Variants in MYH9 observed in about 807,000 individuals in gnomAD.
The protein encoded by MYH9 is myosin heavy chain 9, also known as myosin-9.
MYH9 carries 29 observed loss-of-function variants against 241.9 expected under a neutral mutation model. The ratio of observed to expected loss-of-function variants is 0.12; its 90% confidence interval spans 0.09 to 0.16. The LOEUF (loss-of-function observed/expected upper bound fraction) is 0.16. MYH9 is among the 10% of genes least tolerant of loss of function. The pLI, the probability that MYH9 is intolerant of heterozygous loss-of-function variation, is 1.00. For missense variants in MYH9, 1,803 were observed against 2,595.5 expected, an observed-to-expected ratio of 0.69 and a Z score of 6.63; for synonymous variants, 1,047 against 1,062.6, an observed-to-expected ratio of 0.99 and a Z score of 0.29.
intron 27 of MYH9, 27 bp downstream of exon 27, chr22:36,294,905 C>T (rs777247001): frequency 1.2e-6 from 2 of 1,609,082 alleles, no homozygotes; most frequent in South Asian, 2.2e-5. Context: ...CCTGCCCTCC[C>T]CCTGCGGTCT....
chr22:36,304,926 TG>T, intron 18 of MYH9, 106 bp downstream of exon 18: 1 of 1,129,706 alleles, frequency 8.9e-7, no homozygotes, highest in Non-Finnish European at 1.3e-6. Flanking sequence ...GGACACAGCC[TG>T]GGCATCCACC....
intron 30 of MYH9, among the ~76,000 whole-genome samples, chr22:36,292,904 C>T (rs1272563617): frequency 2.0e-5 from 3 of 152,224 alleles, no homozygotes; most frequent in Non-Finnish European, 4.4e-5. Flanking sequence ...GCTCAGGAAG[C>T]CACGTGCTGC....
At chr22:36,302,223 G>T in intron 20 of MYH9, 1 of 286,670 alleles carries the variant, frequency 3.5e-6, no homozygotes, top group Non-Finnish European at 6.8e-6. Context: ...TTGTGAGTTG[G>T]TTTTTCGCCA....
rs199968098 is a variant in MYH9, at chr22:36,384,366, TGAG to T, written c.-20+3438_-20+3440del. ...GGGAGGCCGAGATGGGCAGATCACCTGAGGTCAGGAGTTCGAGATCAGCCTGGC... is the reference window on the plus strand; with the variant it reads ...GGGAGGCCGAGATGGGCAGATCACCTGTCAGGAGTTCGAGATCAGCCTGGC... On this transcript the variant is annotated intron_variant, in intron 1 of 40. Transcript: ENST00000216181. Among the ~76,000 whole-genome samples the T allele has an allele frequency of 4.9e-3, 738 of 151,098 alleles. 8 individuals carry two copies. Among genetic ancestry groups the T allele is most frequent in the African/African-American group, 0.015 (605 of 41,140 alleles).
At chr22:36,316,761 T>C in intron 11 of MYH9, 92 bp from the exon 12 acceptor site, 2 of 1,494,286 alleles carry the variant, frequency 1.3e-6, no homozygotes, top group Non-Finnish European at 9.2e-7. Flanking sequence ...TTTAGAGTCC[T>C]CCCCCTAGAG....
chr22:36,384,087 A>C (rs1045670114), intron 1 of MYH9, among the ~76,000 whole-genome samples: 1 of 151,500 alleles, frequency 6.6e-6, no homozygotes, highest in African/African-American at 2.4e-5. Context: ...CGTGGTCAAC[A>C]TGGCAAAATC....
intron 5 of MYH9, chr22:36,324,896 C>T: frequency 1.7e-6 from 1 of 594,158 alleles, no homozygotes; most frequent in Non-Finnish European, 3.0e-6. Context: ...GCTGCCTTCC[C>T]CTCTACAACA....
chr22:36,360,901 G>A (rs2017926555), intron 1 of MYH9, among the ~76,000 whole-genome samples: 1 of 152,134 alleles, frequency 6.6e-6, no homozygotes, highest in African/African-American at 2.4e-5. Context: ...AATCCTGCAG[G>A]CACCACCCAG....
chr22:36,329,600 A>T lies in MYH9; in HGVS notation c.491-2112T>A, dbSNP rs1416653539. Among the ~76,000 whole-genome samples the T allele has an allele frequency of 1.3e-5, 2 of 152,192 alleles. No homozygotes were observed. The highest frequency in any genetic ancestry group is 4.8e-5 in the African/African-American group (2 of 41,440). On this transcript the variant is annotated intron_variant, in intron 3 of 40. Transcript: ENST00000216181. This position sits in a 1 kb window ranked among gnomAD's most constrained non-coding sequence, Gnocchi z 4.1. ...GCAAGTCGTGAGCAGCCAACGGCCC[A>T]ATGCTACCATAAAAGGAAACATTCC...
chr22:36,316,658 G>A lies in MYH9; in HGVS notation c.1239C>T (p.Ala413=). Residue 413 remains alanine (A), a synonymous_variant, in exon 12 of 41, where the codon GCC becomes GCT. Coordinates refer to ENST00000216181, the MANE Select transcript of MYH9 (RefSeq NM_002473.6). ...AGGTCGCCTTGGCCAAGGCCTCGATGGCAAAGTCAGCCTGCGGGGCACACC... is the reference window on the plus strand; with the variant it reads ...AGGTCGCCTTGGCCAAGGCCTCGATAGCAAAGTCAGCCTGCGGGGCACACC... ...KAQTKEQADF[A]IEALAKATYE... The A allele has an allele frequency of 1.2e-6, 2 of 1,613,908 alleles. No individual in the cohort carries two copies. The highest frequency in any genetic ancestry group is 1.1e-5 in the South Asian group (1 of 91,084).
intron 1 of MYH9, among the ~76,000 whole-genome samples, chr22:36,381,813 T>C (rs569326767): frequency 5.3e-5 from 8 of 152,312 alleles, no homozygotes; most frequent in African/African-American, 1.9e-4. Flanking sequence ...CATGATTTAG[T>C]TGACCTTTTT....
rs140004540 is a variant in MYH9, at chr22:36,296,938, G to T, written c.3177C>A (p.Asp1059Glu). The T allele has an allele frequency of 2.5e-6, 4 of 1,614,132 alleles. No individual in the cohort carries two copies. The highest frequency in any genetic ancestry group is 3.4e-6 in the Non-Finnish European group (4 of 1,180,020). The part of the protein sequence containing the change: ...TRRKLEGDST[D>E]LSDQIAELQA... ...GGAGCTCGGCGATCTGGTCGCTGAGGTCTGTGGAGTCTCCCTCCAGCTTCC... is the reference window on the plus strand; with the variant it reads ...GGAGCTCGGCGATCTGGTCGCTGAGTTCTGTGGAGTCTCCCTCCAGCTTCC... The change falls in exon 25 of 41, where the codon GAC becomes GAA. Residue 1059 changes from aspartate to glutamate, a missense_variant. Coordinates refer to ENST00000216181, the MANE Select transcript of MYH9 (RefSeq NM_002473.6).
chr22:36,288,996 CGCGACCCGGAGTCTGT>C lies in MYH9; in HGVS notation c.4557+73_4558-58del. 6.2e-7 allele frequency: 1 copy of C among 1,611,838 alleles called. No homozygotes were observed. The highest frequency in any genetic ancestry group is 8.5e-7 in the Non-Finnish European group (1 of 1,179,226). The stretch of plus-strand genomic sequence containing the variant: ...AGGGACTGGCAGGTACCTGGGTCTG[CGCGACCCGGAGTCTGT>C]GCACACACCGACCCTCTGTGATGAC... On this transcript the variant is annotated intron_variant, in intron 32 of 40. Transcript: ENST00000216181. The surrounding 1 kb of genome is among the most constrained non-coding windows in gnomAD (Gnocchi z 4.8).
chr22:36,303,905 T>C, intron 19 of MYH9, 90 bp downstream of exon 19: 1 of 1,489,024 alleles, frequency 6.7e-7, no homozygotes, highest in Non-Finnish European at 9.2e-7. Context: ...TGTGACTGGC[T>C]GCAGCGGGGT....
intron 13 of MYH9, among the ~76,000 whole-genome samples, chr22:36,313,377 G>A (rs1391885517): frequency 3.5e-4 from 52 of 148,422 alleles, no homozygotes; most frequent in South Asian, 4.3e-4. Context: ...GCATGAACCC[G>A]GAAGGCGGAG....
At position 36,285,620 on chromosome 22, in the gene MYH9, C is replaced by T. The variant is rs187754155; in HGVS notation, c.5274+38G>A. The T allele has an allele frequency of 6.5e-5, 104 of 1,610,744 alleles. No individual in the cohort carries two copies. In the African/African-American group the frequency reaches 1.2e-3, roughly 18 times the overall value. ...AAGGCCAGCTCTGCCGTGGTGGCTC[C>T]AGCCAGAGCCCAGAGTGGGAGAAGT... is the stretch of plus-strand genomic sequence containing the variant. On this transcript the variant is annotated intron_variant, in intron 37 of 40. Transcript: ENST00000216181. The surrounding 1 kb of genome is among the most constrained non-coding windows in gnomAD (Gnocchi z 7.0).
At position 36,306,167 on chromosome 22, in the gene MYH9, A is replaced by G; in HGVS notation, c.2038-116T>C. 1.3e-6 allele frequency: 2 copies of G among 1,532,818 alleles called. No homozygotes were observed. Among genetic ancestry groups the G allele is most frequent in the Non-Finnish European group, 1.8e-6 (2 of 1,122,026 alleles). The allele number at this position is 1,532,818 out of a possible 1,614,324, so 95.0% of individuals were successfully genotyped here. ...AGAGCCTAAGGGAGGGGGTCGCTAC[A>G]GCCCACAGGTTTGGACAATGAAGTC... On this transcript the variant is annotated intron_variant, in intron 16 of 40. Transcript: ENST00000216181. The surrounding 1 kb of genome is among the most constrained non-coding windows in gnomAD (Gnocchi z 4.1).
intron 3 of MYH9, among the ~76,000 whole-genome samples, chr22:36,331,236 T>TCGTACA: frequency 6.6e-6 from 1 of 152,084 alleles, no homozygotes; most frequent in African/African-American, 2.4e-5. Flanking sequence ...GGTGTTCCTG[T>TCGTACA]CGTACACGGT....
Position 36,326,554 on chromosome 22 carries a change from G to A in MYH9, c.612+14C>T, listed in dbSNP as rs1401603073. On this transcript the variant is annotated intron_variant, in intron 5 of 40. Coordinates refer to ENST00000216181, the MANE Select transcript of MYH9 (RefSeq NM_002473.6). ...CAAGCAGGCGGCCACAGGGACAAGG[G>A]CTGCAGCACTCACCTGGTCCTTCTT... The A allele has an allele frequency of 6.8e-6, 11 of 1,611,856 alleles. No individual in the cohort carries two copies. The highest frequency in any genetic ancestry group is 7.6e-6 in the Non-Finnish European group (9 of 1,177,978).
Sources: allele counts gnomAD v4.1 joint callset (sites outside exome capture counted in the v4.1 genomes callset), GRCh38; gene constraint gnomAD v4.1.1; non-coding constraint Gnocchi (gnomAD v3.1); transcripts MANE v1.5; gene names NCBI Gene and HGNC (gene_info 2026-07-23, HGNC 2026-07-21).